The following PCDH11Y variants were observed in gnomAD, a reference collection of about 807,000 sequenced individuals.
PCDH11Y encodes the protein protocadherin 11 Y-linked.
For synonymous variants in PCDH11Y, 9 were observed against 83.6 expected, an observed-to-expected ratio of 0.11 and a Z score of 4.87; for missense variants, 12 against 224.8, an observed-to-expected ratio of 0.05 and a Z score of 6.05.
intron 2 of PCDH11Y, among the ~76,000 whole-genome samples, chrY:5,439,842 C>A: frequency 3.0e-5 from 1 of 33,252 alleles, no homozygotes; most frequent in Non-Finnish European, 7.4e-5. Flanking sequence ...CAAAGCTTTT[C>A]TCTGCCTCCA....
intron 2 of PCDH11Y, among the ~76,000 whole-genome samples, chrY:5,236,551 T>C: frequency 3.1e-5 from 1 of 32,575 alleles, no homozygotes; most frequent in East Asian, 8.0e-4. Context: ...GCAATTCTTG[T>C]TTTATGTGAT....
chrY:5,154,821 G>T (rs2052867999), intron 2 of PCDH11Y, among the ~76,000 whole-genome samples: 2 of 32,778 alleles, frequency 6.1e-5, no homozygotes, highest in Non-Finnish European at 1.5e-4. Context: ...ATTATGAAAG[G>T]CAAATTAATT....
intron 2 of PCDH11Y, among the ~76,000 whole-genome samples, chrY:5,393,413 G>C: frequency 7.7e-5 from 2 of 26,101 alleles, no homozygotes; most frequent in South Asian, 1.9e-3. Flanking sequence ...TACTGGTGGG[G>C]GTGATGGCTC....
chrY:5,549,058 G>A (rs2053415895), intron 3 of PCDH11Y, among the ~76,000 whole-genome samples: 1 of 30,099 alleles, frequency 3.3e-5, no homozygotes, highest in South Asian at 7.5e-4. Flanking sequence ...AGGACCAAAC[G>A]CACACATATC....
chrY:5,447,031 A>G (rs1602927049), intron 2 of PCDH11Y, among the ~76,000 whole-genome samples: 3 of 33,483 alleles, frequency 9.0e-5, no homozygotes, highest in South Asian at 1.3e-3. Context: ...GATGCATATT[A>G]AAGTTTAGAA....
At chrY:5,184,024 G>A in intron 2 of PCDH11Y, among the ~76,000 whole-genome samples, 2 of 29,525 alleles carry the variant, frequency 6.8e-5, no homozygotes, top group African/African-American at 1.6e-4. Context: ...GTCACTATGC[G>A]GTATTTTAGA....
chrY:5,450,936 T>A, intron 2 of PCDH11Y, among the ~76,000 whole-genome samples: 2 of 32,816 alleles, frequency 6.1e-5, no homozygotes, highest in African/African-American at 1.2e-4. Flanking sequence ...ATAAGGTTTT[T>A]TTTTTAAGAA....
chrY:5,599,695 T>C (rs2053470710), intron 4 of PCDH11Y, among the ~76,000 whole-genome samples: 1 of 33,743 alleles, frequency 3.0e-5, no homozygotes, highest in African/African-American at 1.1e-4. Flanking sequence ...GAATAAAATG[T>C]ACTAACTCTA....
intron 4 of PCDH11Y, among the ~76,000 whole-genome samples, chrY:5,682,239 G>GTT (rs1201360365): frequency 4.1e-4 from 1 of 2,428 alleles, no homozygotes; most frequent in East Asian, 0.012. Context: ...TTGGTACCGT[G>GTT]TTTTTTTTTT....
At chrY:5,139,561 T>C in intron 2 of PCDH11Y, among the ~76,000 whole-genome samples, 1 of 29,957 alleles carries the variant, frequency 3.3e-5, no homozygotes, top group African/African-American at 1.3e-4. Flanking sequence ...TACAAAATCA[T>C]TGTACACAAA....
chrY:5,593,941 G>A (rs2053464743), intron 4 of PCDH11Y, among the ~76,000 whole-genome samples: 1 of 33,313 alleles, frequency 3.0e-5, no homozygotes, highest in Non-Finnish European at 7.4e-5. Flanking sequence ...GATGGCTGGT[G>A]CCAGCCAAAA....
intron 2 of PCDH11Y, among the ~76,000 whole-genome samples, chrY:5,224,667 C>G (rs2052957894): frequency 1.4e-3 from 47 of 32,537 alleles, no homozygotes; most frequent in African/African-American, 5.2e-3. Context: ...ATCATACAAA[C>G]CCTACCCTGA....
intron 2 of PCDH11Y, among the ~76,000 whole-genome samples, chrY:5,216,683 A>T (rs2052947083): frequency 1.4e-4 from 4 of 27,806 alleles, no homozygotes; most frequent in African/African-American, 4.2e-4. Context: ...TTTTTTTTTT[A>T]AATCTTATAG....
At chrY:5,178,086 G>C in intron 2 of PCDH11Y, among the ~76,000 whole-genome samples, 7 of 33,056 alleles carry the variant, frequency 2.1e-4, no homozygotes, top group African/African-American at 8.2e-4. Context: ...TTTTACAAAG[G>C]AAAAATGAAC....
intron 2 of PCDH11Y, among the ~76,000 whole-genome samples, chrY:5,468,817 T>C: frequency 6.1e-5 from 2 of 32,978 alleles, no homozygotes; most frequent in African/African-American, 1.2e-4. Flanking sequence ...ATAATGCATG[T>C]TGATGTCCTA....
chrY:5,442,860 A>G, intron 2 of PCDH11Y, among the ~76,000 whole-genome samples: 1 of 32,505 alleles, frequency 3.1e-5, no homozygotes, highest in Non-Finnish European at 7.6e-5. Context: ...CCAAAGTCCA[A>G]TCAGGAAGAA....
intron 4 of PCDH11Y, among the ~76,000 whole-genome samples, chrY:5,668,115 C>T: frequency 3.1e-5 from 1 of 31,998 alleles, no homozygotes; most frequent in Non-Finnish European, 7.6e-5. Flanking sequence ...ACAGTCAAAA[C>T]ATAAATTAAA....
At chrY:5,251,943 G>C in intron 2 of PCDH11Y, among the ~76,000 whole-genome samples, 1 of 32,394 alleles carries the variant, frequency 3.1e-5, no homozygotes, top group Non-Finnish European at 7.6e-5. Context: ...CAGCTATCTA[G>C]ACGTCAAATA....
At chrY:5,620,636 A>C in intron 4 of PCDH11Y, among the ~76,000 whole-genome samples, 1 of 32,855 alleles carries the variant, frequency 3.0e-5, no homozygotes, top group African/African-American at 1.2e-4. Context: ...CTTGATGAAC[A>C]TCAATGCAGA....
Sources: gnomAD v4.1 joint callset for allele counts (sites outside exome capture counted in the v4.1 genomes callset) on GRCh38, gnomAD v4.1.1 for gene constraint, MANE v1.5 for transcripts, NCBI Gene and HGNC (gene_info 2026-07-23, HGNC 2026-07-21) for gene names.